MYO5B: variants seen among roughly 807,000 people sequenced by gnomAD.
MYO5B encodes the protein myosin VB.
Under a neutral mutation model 229.3 loss-of-function variants are expected in MYO5B, and 143 were observed. The observed-to-expected ratio is 0.62, with a 90% CI of 0.54 to 0.72. The LOEUF (loss-of-function observed/expected upper bound fraction) is 0.72, where lower values mean the gene tolerates loss of function less well. Ranked by LOEUF, MYO5B falls within the 30% of genes least tolerant of loss-of-function variation. MYO5B has a pLI of 0.00. For synonymous variants in MYO5B, 918 were observed against 885.2 expected (o/e 1.04, Z -0.66); for missense variants, 2,321 against 2,331.0 (o/e 1.00, Z 0.09).
intron 1 of MYO5B, among the ~76,000 whole-genome samples, chr18:50,077,352 A>G (rs2031107940): frequency 6.6e-6 from 1 of 152,074 alleles, no homozygotes; most frequent in Non-Finnish European, 1.5e-5. Context: ...TTGCTACTTC[A>G]CAGCATGTTA....
chr18:50,101,553 A>T (rs1232362735), intron 1 of MYO5B, among the ~76,000 whole-genome samples: 1 of 152,208 alleles, frequency 6.6e-6, no homozygotes, highest in Non-Finnish European at 1.5e-5. Flanking sequence ...TACAAGAAAA[A>T]AAAACAGACA....
intron 7 of MYO5B, among the ~76,000 whole-genome samples, chr18:49,987,914 AG>A (rs1221414155): frequency 6.6e-6 from 1 of 152,154 alleles, no homozygotes; most frequent in Non-Finnish European, 1.5e-5. Context: ...AGATTATTCT[AG>A]GGTATTGACC....
intron 1 of MYO5B, among the ~76,000 whole-genome samples, chr18:50,083,153 T>C (rs956975320): frequency 6.6e-6 from 1 of 152,184 alleles, no homozygotes. Flanking sequence ...AACAGCCAAA[T>C]AGAAGAGGTG....
At chr18:49,857,673 T>C (rs965194595) in intron 29 of MYO5B, among the ~76,000 whole-genome samples, 4 of 152,186 alleles carry the variant, frequency 2.6e-5, no homozygotes, top group Admixed American at 6.5e-5. Flanking sequence ...AGCAGAACTC[T>C]TTACCCCTCT....
intron 14 of MYO5B, among the ~76,000 whole-genome samples, chr18:49,940,250 A>G (rs1318025726): frequency 6.6e-6 from 1 of 152,216 alleles, no homozygotes; most frequent in Non-Finnish European, 1.5e-5. Context: ...TACAGTCTAC[A>G]GTGGGCCCTG....
chr18:49,953,894 ATGTGTGTGTGTGTGTGTGTG>A (rs71169463), intron 13 of MYO5B, among the ~76,000 whole-genome samples: 1 of 108,472 alleles, frequency 9.2e-6, no homozygotes, highest in Non-Finnish European at 2.2e-5. Context: ...ATATACATAT[ATGTGTGTGTGTGTGTGTGTG>A]TGTGTGTGTG....
rs944169787 is a variant in MYO5B, at chr18:49,879,288, A to T, written c.3131-198T>A. On this transcript the variant is annotated intron_variant, in intron 23 of 39. Coordinates refer to ENST00000285039, the MANE Select transcript of MYO5B (RefSeq NM_001080467.3). ...ACTCTGGCTTAGTCTTCAGAGAGGGAGAGAAAGACCCTGCTCTCAGGGAAT... is the reference window on the plus strand; with the variant it reads ...ACTCTGGCTTAGTCTTCAGAGAGGGTGAGAAAGACCCTGCTCTCAGGGAAT... 58 of 640,386 alleles carry T rather than the reference A, an allele frequency of 9.1e-5. No homozygotes were observed. In the Middle Eastern group the frequency reaches 1.7e-3, roughly 18 times the overall value. The allele number at this position is 640,386 out of a possible 1,614,324, so 39.7% of individuals were successfully genotyped here.
At chr18:49,978,130 T>C (rs1257273512) in intron 9 of MYO5B, among the ~76,000 whole-genome samples, 5 of 152,110 alleles carry the variant, frequency 3.3e-5, no homozygotes, top group Non-Finnish European at 7.4e-5. Flanking sequence ...CCACACCAGG[T>C]AGCATCCAAA....
At chr18:49,982,112 C>G (rs549974866) in intron 8 of MYO5B, among the ~76,000 whole-genome samples, 2 of 152,206 alleles carry the variant, frequency 1.3e-5, no homozygotes, top group African/African-American at 2.4e-5. Context: ...GGGTCTTGCT[C>G]TGTTGCTCAG....
intron 39 of MYO5B, among the ~76,000 whole-genome samples, chr18:49,830,145 CCACA>C (rs57718809): frequency 1.6e-4 from 24 of 150,012 alleles, no homozygotes; most frequent in African/African-American, 2.5e-4. Flanking sequence ...CTGAAAGAAT[CCACA>C]CACACACACA....
At chr18:49,928,758 GGTACGTATATATGAA>G (rs1210572976) in intron 17 of MYO5B, among the ~76,000 whole-genome samples, 5 of 152,098 alleles carry the variant, frequency 3.3e-5, no homozygotes, top group African/African-American at 1.2e-4. Flanking sequence ...AAGAAAATGT[GGTACGTATATATGAA>G]GTACTACTCA....
intron 6 of MYO5B, 109 bp downstream of exon 6, chr18:49,992,179 C>G: frequency 1.4e-6 from 2 of 1,453,030 alleles, no homozygotes; most frequent in Non-Finnish European, 1.9e-6. Flanking sequence ...ACATTCAATT[C>G]CAGGCTCACA....
At chr18:50,118,204 A>G (rs1031395694) in intron 1 of MYO5B, among the ~76,000 whole-genome samples, 4 of 152,290 alleles carry the variant, frequency 2.6e-5, no homozygotes, top group African/African-American at 9.6e-5. Context: ...GTTTGCCCAG[A>G]ACTTCCCTGG....
chr18:49,963,432 ATTTAT>A (rs1183100686), intron 10 of MYO5B, among the ~76,000 whole-genome samples: 1 of 151,610 alleles, frequency 6.6e-6, no homozygotes, highest in Admixed American at 6.6e-5. Context: ...TTATTTATTT[ATTTAT>A]TTTGAGACAT....
intron 2 of MYO5B, among the ~76,000 whole-genome samples, chr18:50,051,839 G>C (rs1042193730): frequency 3.9e-5 from 6 of 152,220 alleles, no homozygotes; most frequent in Non-Finnish European, 7.3e-5. Flanking sequence ...CTCAGAGACA[G>C]AGTAGAAAGG....
rs1311180583 is a variant in MYO5B at position 50,171,366 on chromosome 18, A to C, written c.27+23401T>G. Among the ~76,000 whole-genome samples, 4 of 127,896 alleles carry C rather than the reference A, an allele frequency of 3.1e-5. 2 individuals are homozygous for C. The highest frequency in any genetic ancestry group is 6.7e-5 in the Non-Finnish European group (4 of 59,972). 83.9% of individuals were successfully genotyped at this position (127,896 alleles called of 152,430 possible). A position where few individuals can be genotyped will look rare whatever the true frequency, so the allele number is the denominator to read the frequency against. Reference sequence around the variant, plus strand: ...CTCTGTACAGAGAATAGAGTTCCTTAGGCTGAAGAAGTCAGGAAGGGCTTA... The same window carrying C: ...CTCTGTACAGAGAATAGAGTTCCTTCGGCTGAAGAAGTCAGGAAGGGCTTA... On this transcript the variant is annotated intron_variant, in intron 1 of 39. Coordinates refer to ENST00000285039, the MANE Select transcript of MYO5B (RefSeq NM_001080467.3).
intron 39 of MYO5B, among the ~76,000 whole-genome samples, chr18:49,831,569 C>T (rs2023922591): frequency 6.6e-6 from 1 of 152,152 alleles, no homozygotes; most frequent in South Asian, 2.1e-4. Flanking sequence ...CCACTTCACA[C>T]CCATTAAGAT....
At chr18:50,047,856 A>T (rs1466110720) in intron 2 of MYO5B, among the ~76,000 whole-genome samples, 1 of 148,148 alleles carries the variant, frequency 6.8e-6, no homozygotes, top group African/African-American at 2.5e-5. Flanking sequence ...ACCAAACACC[A>T]CATGTTCTCA....
At chr18:50,068,078 G>C (rs1302705551) in intron 1 of MYO5B, among the ~76,000 whole-genome samples, 1 of 151,468 alleles carries the variant, frequency 6.6e-6, no homozygotes, top group Non-Finnish European at 1.5e-5. Flanking sequence ...TTTTAGAGTG[G>C]AAATATTTTA....
Sources: gnomAD v4.1 joint callset for allele counts (sites outside exome capture counted in the v4.1 genomes callset) on GRCh38, gnomAD v4.1.1 for gene constraint, MANE v1.5 for transcripts, NCBI Gene and HGNC (gene_info 2026-07-23, HGNC 2026-07-21) for gene names.